Variants in CCNY observed in about 807,000 individuals in gnomAD.
CCNY encodes cyclin-Y.
A neutral mutation model predicts 42.8 loss-of-function variants in CCNY; 19 were observed. That is an observed-to-expected ratio of 0.44 (90% CI 0.31 to 0.65). The LOEUF is 0.65. Among genes scored for constraint, CCNY ranks in the 30% least tolerant of loss-of-function variants. The pLI is 0.07. For synonymous variants in CCNY, 165 were observed against 162.7 expected, an observed-to-expected ratio of 1.01 and a Z score of -0.11; for missense variants, 370 against 437.3, an observed-to-expected ratio of 0.85 and a Z score of 1.37.
intron 1 of CCNY, among the ~76,000 whole-genome samples, chr10:35,439,495 G>A (rs1478072217): frequency 6.6e-6 from 1 of 151,718 alleles, no homozygotes; most frequent in Non-Finnish European, 1.5e-5. Flanking sequence ...TTGCTGAGCT[G>A]AGCCTCTTTT....
intron 3 of CCNY, chr10:35,315,118 A>T (rs1401011261): frequency 1.3e-5 from 2 of 152,084 alleles, no homozygotes; most frequent in Non-Finnish European, 2.9e-5. Flanking sequence ...TTTTTAAAAA[A>T]CTTTTAGTTT....
At chr10:35,310,288 T>C (rs1224492630) in intron 3 of CCNY, among the ~76,000 whole-genome samples, 1 of 152,256 alleles carries the variant, frequency 6.6e-6, no homozygotes, top group East Asian at 1.9e-4. Flanking sequence ...TAGTCCATCA[T>C]GTATATGTAC....
intron 3 of CCNY, among the ~76,000 whole-genome samples, chr10:35,269,797 T>G (rs1367398131): frequency 6.6e-6 from 1 of 151,360 alleles, no homozygotes; most frequent in East Asian, 2.0e-4. Context: ...GCCCGGCTAA[T>G]TTTTGTATTT....
At chr10:35,252,459 G>A (rs1356752129) in intron 3 of CCNY, among the ~76,000 whole-genome samples, 6 of 151,634 alleles carry the variant, frequency 4.0e-5, no homozygotes, top group South Asian at 2.1e-4. Context: ...CCAGCTACTC[G>A]GGAGGCTGAG....
intron 1 of CCNY, among the ~76,000 whole-genome samples, chr10:35,415,494 G>A (rs2135254267): frequency 6.6e-6 from 1 of 152,158 alleles, no homozygotes; most frequent in East Asian, 1.9e-4. Context: ...GGGCTTTGTG[G>A]ACTCTCAGAG....
chr10:35,424,315 C>T (rs1263766456), intron 1 of CCNY, among the ~76,000 whole-genome samples: 1 of 152,248 alleles, frequency 6.6e-6, no homozygotes, highest in African/African-American at 2.4e-5. Context: ...CAACCTCCAC[C>T]TCCAGGTTTC....
At chr10:35,339,687 A>G (rs377170218) in intron 1 of CCNY, among the ~76,000 whole-genome samples, 36 of 152,340 alleles carry the variant, frequency 2.4e-4, no homozygotes, top group African/African-American at 8.2e-4. Flanking sequence ...TTTAAATCAC[A>G]GAGATATGAC....
chr10:35,385,832 G>A (rs2135200840), intron 1 of CCNY, among the ~76,000 whole-genome samples: 1 of 152,314 alleles, frequency 6.6e-6, no homozygotes, highest in Middle Eastern at 3.4e-3. Context: ...TTGTTGAGGA[G>A]TGATACCAGC....
At chr10:35,347,634 C>T (rs1836334943) in intron 1 of CCNY, 2 of 154,548 alleles carry the variant, frequency 1.3e-5, no homozygotes, top group South Asian at 2.1e-4. Flanking sequence ...TCTCACACTG[C>T]AGATTTAACA....
In CCNY at chr10:35,474,981, C is replaced by T. The variant is rs552958580; in HGVS notation, c.155-8423C>T. Among the ~76,000 whole-genome samples, 10 of 151,952 alleles carry T rather than the reference C, an allele frequency of 6.6e-5. No homozygotes were observed. The South Asian group carries it at 8.3e-4, about 13-fold the overall frequency. On this transcript the variant is annotated intron_variant, in intron 1 of 9. Transcript: ENST00000374704. ...GCTGATGGAGCTGAAAACCAAGGCTCGAGAACTACGTGAAGAATGCAGAAG... is the reference window on the plus strand; with the variant it reads ...GCTGATGGAGCTGAAAACCAAGGCTTGAGAACTACGTGAAGAATGCAGAAG...
At chr10:35,357,741 T>C (rs1007496162) in intron 1 of CCNY, among the ~76,000 whole-genome samples, 7 of 152,362 alleles carry the variant, frequency 4.6e-5, no homozygotes, top group South Asian at 4.1e-4. Context: ...ATTTAGACTT[T>C]GTAAATATTC....
intron 1 of CCNY, among the ~76,000 whole-genome samples, chr10:35,425,903 C>T (rs1838254466): frequency 6.6e-6 from 1 of 151,972 alleles, no homozygotes; most frequent in African/African-American, 2.4e-5. Context: ...CAACTCTGAC[C>T]CCAATTCTCT....
At chr10:35,365,853 T>TA (rs1836797539) in intron 1 of CCNY, among the ~76,000 whole-genome samples, 1 of 152,188 alleles carries the variant, frequency 6.6e-6, no homozygotes, top group African/African-American at 2.4e-5. Flanking sequence ...CAAAATAAGC[T>TA]AAAAAATGAT....
At chr10:35,321,947 T>C (rs1835826861) in intron 3 of CCNY, among the ~76,000 whole-genome samples, 1 of 152,188 alleles carries the variant, frequency 6.6e-6, no homozygotes, top group Admixed American at 6.5e-5. Flanking sequence ...AAGACAGTCT[T>C]TTCAACAAAT....
chr10:35,401,237 G>A (rs1837637510), intron 1 of CCNY, among the ~76,000 whole-genome samples: 1 of 152,244 alleles, frequency 6.6e-6, no homozygotes, highest in Non-Finnish European at 1.5e-5. Context: ...AGGGAGCTGA[G>A]AGGCAGAGAT....
intron 1 of CCNY, among the ~76,000 whole-genome samples, chr10:35,383,845 T>G (rs974104976): frequency 6.6e-6 from 1 of 152,108 alleles, no homozygotes; most frequent in Non-Finnish European, 1.5e-5. Context: ...CAACTAAGAT[T>G]GGGAAAAACC....
intron 1 of CCNY, among the ~76,000 whole-genome samples, chr10:35,435,910 C>T (rs555732908): frequency 6.6e-5 from 10 of 151,942 alleles, no homozygotes; most frequent in Non-Finnish European, 1.2e-4. Flanking sequence ...GTAGTAGTGA[C>T]GATGGATAGT....
intron 2 of CCNY, among the ~76,000 whole-genome samples, chr10:35,491,766 C>T (rs1016806388): frequency 1.3e-5 from 2 of 151,950 alleles, no homozygotes; most frequent in Non-Finnish European, 2.9e-5. Context: ...GGTGCCTGCC[C>T]CCACACCTGG....
In CCNY at chr10:35,504,556, A is replaced by G. The variant is rs532672762; in HGVS notation, c.264+3021A>G. 3.1e-4 allele frequency among the ~76,000 whole-genome samples: 47 copies of G among 152,354 alleles called. 1 individual carries two copies. Among genetic ancestry groups the G allele is most frequent in the Admixed American group, 7.2e-4 (11 of 15,314 alleles). Reference sequence around the variant, plus strand: ...ACAGCAGGTTCAATCAGGGTGAATTATAAAGGTTAATATTTTAATCAGCAC... The same window carrying G: ...ACAGCAGGTTCAATCAGGGTGAATTGTAAAGGTTAATATTTTAATCAGCAC... On this transcript the variant is annotated intron_variant, in intron 3 of 9. Coordinates refer to ENST00000374704, the MANE Select transcript of CCNY (RefSeq NM_145012.6).
Sources: gnomAD v4.1 joint callset for allele counts (sites outside exome capture counted in the v4.1 genomes callset) on GRCh38, gnomAD v4.1.1 for gene constraint, MANE v1.5 for transcripts, NCBI Gene and HGNC (gene_info 2026-07-23, HGNC 2026-07-21) for gene names.